Variants in CDH4 observed in about 807,000 individuals in gnomAD.
The protein encoded by CDH4 is cadherin 4.
Under a neutral mutation model 86.0 loss-of-function variants are expected in CDH4, and 33 were observed. That is an observed-to-expected ratio of 0.38 (90% CI 0.29 to 0.51). The LOEUF (loss-of-function observed/expected upper bound fraction) is 0.51. CDH4 is among the 20% of genes least tolerant of loss of function. The pLI, the probability that CDH4 is intolerant of heterozygous loss-of-function variation, is 0.86. For synonymous variants in CDH4, 555 were observed against 549.4 expected, an observed-to-expected ratio of 1.01 and a Z score of -0.14; for missense variants, 1,114 against 1,307.4, an observed-to-expected ratio of 0.85 and a Z score of 2.28.
At chr20:61,629,348 C>A (rs1234351108) in intron 2 of CDH4, among the ~76,000 whole-genome samples, 3 of 151,960 alleles carry the variant, frequency 2.0e-5, no homozygotes, top group Admixed American at 2.0e-4. Flanking sequence ...GCAGGGAGAG[C>A]TGGAGACAGA....
chr20:61,696,095 A>G (rs1486967587), intron 2 of CDH4, among the ~76,000 whole-genome samples: 1 of 152,122 alleles, frequency 6.6e-6, no homozygotes, highest in Admixed American at 6.5e-5. Context: ...CCTCACATCC[A>G]TGTCAGCACA....
chr20:61,759,063 CAT>C (rs1030141108), intron 3 of CDH4, among the ~76,000 whole-genome samples: 2 of 152,132 alleles, frequency 1.3e-5, no homozygotes, highest in African/African-American at 4.8e-5. Context: ...TGTGTGCACG[CAT>C]GTGCATATTT....
At chr20:61,373,658 G>C (rs2084851981) in intron 2 of CDH4, among the ~76,000 whole-genome samples, 1 of 152,186 alleles carries the variant, frequency 6.6e-6, no homozygotes, top group Non-Finnish European at 1.5e-5. Flanking sequence ...ACTTACACCT[G>C]AATTGCCAGG....
intron 2 of CDH4, among the ~76,000 whole-genome samples, chr20:61,334,609 C>G (rs1168302912): frequency 6.6e-6 from 1 of 152,194 alleles, no homozygotes; most frequent in African/African-American, 2.4e-5. Context: ...GATAAGTGCA[C>G]TAATCCCATT....
At chr20:61,926,131 CAAG>C (rs2055042048) in intron 11 of CDH4, among the ~76,000 whole-genome samples, 1 of 152,198 alleles carries the variant, frequency 6.6e-6, no homozygotes, top group Non-Finnish European at 1.5e-5. Flanking sequence ...ATTCAGGCAG[CAAG>C]AAGAGCTGGG....
chr20:61,515,614 T>C (rs578076068), intron 2 of CDH4, among the ~76,000 whole-genome samples: 4 of 152,214 alleles, frequency 2.6e-5, no homozygotes, highest in Non-Finnish European at 5.9e-5. Flanking sequence ...ATTCCACCAG[T>C]TAGAGGTGTC....
chr20:61,514,325 AC>A, intron 2 of CDH4, among the ~76,000 whole-genome samples: 1 of 80,612 alleles, frequency 1.2e-5, no homozygotes, highest in African/African-American at 4.6e-5. Context: ...GCCCCCCCCC[AC>A]CCCCACCCCC....
chr20:61,284,987 C>T (rs1396290023), intron 2 of CDH4, among the ~76,000 whole-genome samples: 4 of 152,212 alleles, frequency 2.6e-5, no homozygotes, highest in Non-Finnish European at 4.4e-5. Flanking sequence ...TTTGTCCCTC[C>T]CTGCTCTGTA....
At chr20:61,453,792 T>TA (rs1448966111) in intron 2 of CDH4, among the ~76,000 whole-genome samples, 1 of 152,202 alleles carries the variant, frequency 6.6e-6, no homozygotes, top group Non-Finnish European at 1.5e-5. Flanking sequence ...GTAGTTCCCA[T>TA]AATCCCCACA....
At chr20:61,931,395 A>G (rs1481655163) in intron 13 of CDH4, among the ~76,000 whole-genome samples, 2 of 152,180 alleles carry the variant, frequency 1.3e-5, no homozygotes, top group East Asian at 1.9e-4. Context: ...GATGCCGCCA[A>G]TACCCACAGA....
At chr20:61,380,831 T>C (rs1386461370) in intron 2 of CDH4, among the ~76,000 whole-genome samples, 1 of 152,208 alleles carries the variant, frequency 6.6e-6, no homozygotes, top group Non-Finnish European at 1.5e-5. Context: ...CAAAGAAATA[T>C]GTCATCTGTG....
At chr20:61,927,969 A>G (rs2055063066) in intron 11 of CDH4, among the ~76,000 whole-genome samples, 1 of 152,152 alleles carries the variant, frequency 6.6e-6, no homozygotes, top group South Asian at 2.1e-4. Flanking sequence ...GTGGCTGCCC[A>G]TGGCGTGTGG....
Position 61,937,036 on chromosome 20 carries a change from C to A in CDH4, c.*93C>A, listed in dbSNP as rs894678846. 1.9e-5 allele frequency: 21 copies of A among 1,117,820 alleles called. No individual in the cohort carries two copies. Among genetic ancestry groups the A allele is most frequent in the Non-Finnish European group, 2.6e-5 (21 of 805,918 alleles). 69.2% of individuals were successfully genotyped at this position (1,117,820 alleles called of 1,614,324 possible). On this transcript the variant is annotated 3_prime_UTR_variant, in exon 16 of 16. Coordinates refer to ENST00000614565, the MANE Select transcript of CDH4 (RefSeq NM_001794.5). ...GGCGGCCGGTCTTCCCGACTCCCTGCGGCTGTGTCCTTAGTGCTGTTAGGA... is the reference window on the plus strand; with the variant it reads ...GGCGGCCGGTCTTCCCGACTCCCTGAGGCTGTGTCCTTAGTGCTGTTAGGA...
chr20:61,546,944 C>G (rs2086091795), intron 2 of CDH4, among the ~76,000 whole-genome samples: 1 of 152,088 alleles, frequency 6.6e-6, no homozygotes, highest in Non-Finnish European at 1.5e-5. Flanking sequence ...TGCCCACGCT[C>G]CAGGACAGGT....
intron 2 of CDH4, among the ~76,000 whole-genome samples, chr20:61,733,238 CAG>C (rs2088217205): frequency 6.6e-6 from 1 of 152,150 alleles, no homozygotes; most frequent in Non-Finnish European, 1.5e-5. Flanking sequence ...ATGTTCCACA[CAG>C]AGCAAGTTCC....
In CDH4 at chr20:61,252,290, A is replaced by G. The variant is rs2084064214; in HGVS notation, c.-224A>G. 1 of 143,894 alleles carries G rather than the reference A, an allele frequency of 6.9e-6. No homozygotes were observed. The highest frequency in any genetic ancestry group is 2.5e-5 in the African/African-American group (1 of 39,390). The allele number at this position is 143,894 out of a possible 1,614,324, so 8.9% of individuals were successfully genotyped here. A position where few individuals can be genotyped will look rare whatever the true frequency, so the allele number is the denominator to read the frequency against. On this transcript the variant is annotated 5_prime_UTR_variant, in exon 1 of 16. Coordinates refer to ENST00000614565, the MANE Select transcript of CDH4 (RefSeq NM_001794.5). This position sits in a 1 kb window ranked among gnomAD's most constrained non-coding sequence, Gnocchi z 4.4. ...GCGCGGGCGGCTGCGAGGCCGGCGG[A>G]CGCACCGGCCCGAGGGAACGCGCCG...
intron 2 of CDH4, among the ~76,000 whole-genome samples, chr20:61,453,167 GT>G (rs1421843431): frequency 6.6e-6 from 1 of 152,112 alleles, no homozygotes; most frequent in African/African-American, 2.4e-5. Context: ...AGGATATTAA[GT>G]AATTTTAATG....
rs57420264 is a variant in CDH4, at chr20:61,529,998, T to C, written c.170-213565T>C. 0.029 allele frequency among the ~76,000 whole-genome samples: 4,415 copies of C among 152,008 alleles called. 375 individuals are homozygous for C. The East Asian group carries it at 0.34, about 12-fold the overall frequency. Reference sequence around the variant, plus strand: ...GATTACAGGTGCCTGCCACCATGCTTGGCTAATTTATTTGTTTTTGTTTGT... The same window carrying C: ...GATTACAGGTGCCTGCCACCATGCTCGGCTAATTTATTTGTTTTTGTTTGT... On this transcript the variant is annotated intron_variant, in intron 2 of 15. Transcript: ENST00000614565.
chr20:61,538,849 C>T (rs6121673), intron 2 of CDH4, among the ~76,000 whole-genome samples: 12,076 of 152,202 alleles, frequency 0.079, 1,348 homozygotes, highest in African/African-American at 0.25. Flanking sequence ...TGGGGCTGGG[C>T]GGAAATGCTA....
Sources: allele counts gnomAD v4.1 joint callset (sites outside exome capture counted in the v4.1 genomes callset), GRCh38; gene constraint gnomAD v4.1.1; non-coding constraint Gnocchi (gnomAD v3.1); transcripts MANE v1.5; gene names NCBI Gene and HGNC (gene_info 2026-07-23, HGNC 2026-07-21).